Variants in GABPB2 observed in about 807,000 individuals in gnomAD.
GABPB2 encodes the protein GA binding protein transcription factor subunit beta 2.
In GABPB2, 23 loss-of-function variants were observed where a neutral mutation model predicts 39.1. That is an observed-to-expected ratio of 0.59 (90% CI 0.42 to 0.83). The LOEUF (loss-of-function observed/expected upper bound fraction) is 0.83. Ranked by LOEUF, GABPB2 falls within the 40% of genes least tolerant of loss-of-function variation. The probability of loss-of-function intolerance (pLI) is 0.00; values close to 1 mark genes in which losing one functional copy is unlikely to be tolerated. For synonymous variants in GABPB2, 184 were observed against 199.3 expected (o/e 0.92, Z 0.65); for missense variants, 467 against 541.1 (o/e 0.86, Z 1.36).
At chr1:151,088,533 G>T in intron 2 of GABPB2, 1 of 1,020,876 alleles carries the variant, frequency 9.8e-7, no homozygotes, top group Non-Finnish European at 1.4e-6. Context: ...ATATACTTGT[G>T]ATTTTCTATA....
At chr1:151,084,236 T>C (rs587773152) in intron 1 of GABPB2, among the ~76,000 whole-genome samples, 2 of 151,618 alleles carry the variant, frequency 1.3e-5, no homozygotes, top group South Asian at 4.2e-4. Context: ...GTTTGTTTTG[T>C]TTTTTGAGAC....
At chr1:151,075,616 G>C (rs1571877981) in intron 1 of GABPB2, among the ~76,000 whole-genome samples, 1 of 149,892 alleles carries the variant, frequency 6.7e-6, no homozygotes, top group African/African-American at 2.5e-5. Context: ...GACTGGGACA[G>C]GAGAATCGCT....
At chr1:151,105,896 G>T (rs1319628025) in intron 6 of GABPB2, among the ~76,000 whole-genome samples, 1 of 151,752 alleles carries the variant, frequency 6.6e-6, no homozygotes, top group Non-Finnish European at 1.5e-5. Flanking sequence ...ATATTATTCT[G>T]TGAATTCACT....
At chr1:151,114,469 G>A (rs1235909211) in intron 7 of GABPB2, among the ~76,000 whole-genome samples, 1 of 152,142 alleles carries the variant, frequency 6.6e-6, no homozygotes, top group Non-Finnish European at 1.5e-5. Context: ...GGAGGCCGAG[G>A]TGGACGGATC....
intron 6 of GABPB2, 98 bp downstream of exon 6, chr1:151,103,773 C>A: frequency 1.3e-6 from 1 of 793,480 alleles, no homozygotes; most frequent in South Asian, 1.8e-5. Context: ...TAAAGAATTG[C>A]ATTTAATTAG....
intron 5 of GABPB2, among the ~76,000 whole-genome samples, chr1:151,099,497 A>T (rs1039192557): frequency 6.6e-6 from 1 of 152,212 alleles, no homozygotes; most frequent in South Asian, 2.1e-4. Context: ...CACCTGGCCT[A>T]TCAGTTAGCA....
intron 1 of GABPB2, among the ~76,000 whole-genome samples, chr1:151,071,215 A>C (rs587646665): frequency 6.6e-6 from 1 of 152,210 alleles, no homozygotes; most frequent in East Asian, 1.9e-4. Context: ...CGCGGAGGTG[A>C]CCACTAGGGG....
intron 4 of GABPB2, 99 bp from the exon 5 acceptor site, chr1:151,097,753 T>G (rs1679201564): frequency 8.3e-7 from 1 of 1,208,390 alleles, no homozygotes; most frequent in Non-Finnish European, 1.2e-6. Context: ...CACTCCAGCC[T>G]GGGTGGCAGA....
intron 1 of GABPB2, among the ~76,000 whole-genome samples, chr1:151,081,849 C>A (rs1212559994): frequency 6.6e-6 from 1 of 151,940 alleles, no homozygotes; most frequent in African/African-American, 2.4e-5. Flanking sequence ...GTTGGCCAGG[C>A]TGCTCTCGAA....
At chr1:151,096,378 G>A (rs773507847) in intron 4 of GABPB2, among the ~76,000 whole-genome samples, 3 of 151,996 alleles carry the variant, frequency 2.0e-5, no homozygotes, top group Admixed American at 6.6e-5. Flanking sequence ...TCGCACCACT[G>A]CACTCCAGCC....
In GABPB2 at chr1:151,118,814, T is replaced by C. The variant is rs72708423; in HGVS notation, c.*558T>C. 0.18 allele frequency: 26,959 copies of C among 152,002 alleles called. 3,179 individuals are homozygous for C. The highest frequency in any genetic ancestry group is 0.4 in the East Asian group (2,057 of 5,144). The allele number at this position is 152,002 out of a possible 1,614,324, so 9.4% of individuals were successfully genotyped here. A position where few individuals can be genotyped will look rare whatever the true frequency, so the allele number is the denominator to read the frequency against. On this transcript the variant is annotated 3_prime_UTR_variant, in exon 9 of 9. Coordinates refer to ENST00000368918, the MANE Select transcript of GABPB2 (RefSeq NM_144618.3). ...GAAGAGAATTTTCCCTTTTTTTTTT[T>C]TTTTTTGAGACACGGTCTGACTCTG...
chr1:151,088,560 T>A, intron 2 of GABPB2: 1 of 738,906 alleles, frequency 1.4e-6, no homozygotes, highest in Non-Finnish European at 2.0e-6. Flanking sequence ...TTTAGAGTAT[T>A]TTCTAAAGGT....
chr1:151,124,676 A>C lies in GABPB2; in HGVS notation c.*6420A>C, dbSNP rs1373045739. 1 of 152,076 alleles carries C rather than the reference A, an allele frequency of 6.6e-6. No individual in the cohort carries two copies. Among genetic ancestry groups the C allele is most frequent in the African/African-American group, 2.4e-5 (1 of 41,384 alleles). The allele number at this position is 152,076 out of a possible 1,614,324, so 9.4% of individuals were successfully genotyped here. ...CCCATCTCTGGATAGCTAGAAAAGG[A>C]ACTTCAGAATGGACTATATGTGATG... On this transcript the variant is annotated 3_prime_UTR_variant, in exon 9 of 9. Transcript: ENST00000368918.
rs1217532218 is a variant in GABPB2 at position 151,117,519 on chromosome 1, A to G, written c.1047+3A>G. On this transcript the variant is annotated splice_donor_region_variant and intron_variant, in intron 8 of 8. Coordinates refer to ENST00000368918, the MANE Select transcript of GABPB2 (RefSeq NM_144618.3). The stretch of plus-strand genomic sequence containing the variant: ...CAAACAGTGTGGAGGAAAGCAAGGT[A>G]ATGTTTTTAGGAGTGATGAAAAGAA... 6.2e-7 allele frequency: 1 copy of G among 1,613,478 alleles called. No homozygotes were observed. The highest frequency in any genetic ancestry group is 1.7e-5 in the Admixed American group (1 of 59,938).
chr1:151,106,792 A>G (rs1187023080), intron 6 of GABPB2, among the ~76,000 whole-genome samples: 1 of 152,244 alleles, frequency 6.6e-6, no homozygotes, highest in Non-Finnish European at 1.5e-5. Context: ...CATAGAATCC[A>G]TCTTTAGTGA....
rs1371823050 is a variant in GABPB2, at chr1:151,122,572, AAGG to A, written c.*4320_*4322del. On this transcript the variant is annotated 3_prime_UTR_variant, in exon 9 of 9. Coordinates refer to ENST00000368918, the MANE Select transcript of GABPB2 (RefSeq NM_144618.3). Reference sequence around the variant, plus strand: ...CCCCCACACCTCGCCCATTAAGGGGAAGGAGGTTAACTCTGCAGATGATATTCA... The same window carrying A: ...CCCCCACACCTCGCCCATTAAGGGGAAGGTTAACTCTGCAGATGATATTCA... 2.6e-5 allele frequency: 4 copies of A among 152,074 alleles called. No homozygotes were observed. The highest frequency in any genetic ancestry group is 6.6e-5 in the Admixed American group (1 of 15,260). The allele number at this position is 152,074 out of a possible 1,614,324, so 9.4% of individuals were successfully genotyped here.
At chr1:151,110,005 ATTTTTTTTTTTTTTTTT>A (rs71577269) in intron 7 of GABPB2, among the ~76,000 whole-genome samples, 21 of 60,706 alleles carry the variant, frequency 3.5e-4, no homozygotes, top group East Asian at 1.5e-3. Context: ...TGCCCAGCTA[ATTTTTTTTTTTTTTTTT>A]TTTTTTTTTT....
intron 1 of GABPB2, among the ~76,000 whole-genome samples, chr1:151,075,653 G>A (rs1224946105): frequency 2.0e-5 from 3 of 150,770 alleles, no homozygotes; most frequent in East Asian, 1.9e-4. Context: ...AAGTTGCAGC[G>A]AGCTGAGACT....
intron 7 of GABPB2, among the ~76,000 whole-genome samples, chr1:151,115,598 A>G (rs1680805929): frequency 6.6e-6 from 1 of 151,516 alleles, no homozygotes; most frequent in African/African-American, 2.4e-5. Context: ...ATGGGGTTTC[A>G]CCATGTTGGC....
Sources: gnomAD v4.1 joint callset for allele counts (sites outside exome capture counted in the v4.1 genomes callset) on GRCh38, gnomAD v4.1.1 for gene constraint, MANE v1.5 for transcripts, NCBI Gene and HGNC (gene_info 2026-07-23, HGNC 2026-07-21) for gene names.